Variants in MED23 observed in about 807,000 individuals in gnomAD.
MED23 encodes the protein mediator of RNA polymerase II transcription subunit 23.
In MED23, 105 loss-of-function variants were observed where a neutral mutation model predicts 163.9. The ratio of observed to expected loss-of-function variants is 0.64; its 90% confidence interval spans 0.55 to 0.75. MED23 has a LOEUF of 0.75. Among genes scored for constraint, MED23 ranks in the 30% least tolerant of loss-of-function variants. The probability of loss-of-function intolerance (pLI) is 0.00; values close to 1 mark genes in which losing one functional copy is unlikely to be tolerated. For missense variants in MED23, 1,054 were observed against 1,649.0 expected (o/e 0.64, Z 6.25); for synonymous variants, 561 against 565.6 (o/e 0.99, Z 0.12).
chr6:131,590,649 G>A (rs183503421), intron 26 of MED23, among the ~76,000 whole-genome samples: 1 of 151,970 alleles, frequency 6.6e-6, no homozygotes, highest in Non-Finnish European at 1.5e-5. Context: ...ATTTTTTTGA[G>A]ACGGAGTCTC....
chr6:131,578,629 C>CTG (rs757077112), intron 30 of MED23, among the ~76,000 whole-genome samples: 7 of 151,578 alleles, frequency 4.6e-5, no homozygotes, highest in South Asian at 2.1e-4. Flanking sequence ...CTTTGTGTGT[C>CTG]TGTGTGTGTG....
chr6:131,598,868 G>C lies in MED23; in HGVS notation c.2221-107C>G. Reference sequence around the variant, plus strand: ...TTGATTCTGACACTAATAAACTCTAGGTCACCTTGAGCAACTCAGCAATTA... The same window carrying C: ...TTGATTCTGACACTAATAAACTCTACGTCACCTTGAGCAACTCAGCAATTA... On this transcript the variant is annotated intron_variant, in intron 18 of 28. Coordinates refer to ENST00000368068, the MANE Select transcript of MED23 (RefSeq NM_004830.4). The surrounding 1 kb of genome is among the most constrained non-coding windows in gnomAD (Gnocchi z 4.7). 1 of 1,084,114 alleles carries C rather than the reference G, an allele frequency of 9.2e-7. No homozygotes were observed. Among genetic ancestry groups the C allele is most frequent in the Non-Finnish European group, 1.4e-6 (1 of 719,772 alleles). 67.2% of individuals were successfully genotyped at this position (1,084,114 alleles called of 1,614,324 possible).
At chr6:131,608,220 T>G (rs1775999356) in intron 11 of MED23, 149 bp from the exon 12 acceptor site, 1 of 761,766 alleles carries the variant, frequency 1.3e-6, no homozygotes, top group South Asian at 1.6e-5. Flanking sequence ...ACTTAGTAAT[T>G]ACTTAGTCTC....
At chr6:131,620,871 T>G (rs1423716853) in intron 6 of MED23, 142 bp from the exon 7 acceptor site, 1 of 538,058 alleles carries the variant, frequency 1.9e-6, no homozygotes. Flanking sequence ...GGCGTAATCA[T>G]GGCTCACTAC....
chr6:131,626,122 C>CAAAAAAAAAAA (rs138561737), intron 3 of MED23, among the ~76,000 whole-genome samples: 2 of 59,662 alleles, frequency 3.4e-5, no homozygotes, highest in African/African-American at 9.8e-5. Flanking sequence ...ACTCTGTCTC[C>CAAAAAAAAAAA]AAAAAAAAAA....
At chr6:131,594,382 T>C (rs1317670278) in intron 22 of MED23, 47 bp from the exon 23 acceptor site, 3 of 1,415,722 alleles carry the variant, frequency 2.1e-6, no homozygotes, top group South Asian at 1.1e-5. Flanking sequence ...TGGTTACTAA[T>C]AACTGTGAAA....
intron 3 of MED23, among the ~76,000 whole-genome samples, chr6:131,626,089 T>C (rs1184502499): frequency 7.4e-6 from 1 of 134,738 alleles, no homozygotes; most frequent in Non-Finnish European, 1.5e-5. Context: ...GCCACTGCAC[T>C]CTAGCCTGGG....
In MED23 at chr6:131,581,177, C is replaced by T. The variant is rs749859983; in HGVS notation, c.4095+6532G>A. 1.2e-5 allele frequency: 19 copies of T among 1,600,194 alleles called. No homozygotes were observed. In the African/African-American group the frequency reaches 1.7e-4, roughly 15 times the overall value. Reference sequence around the variant, plus strand: ...GTGAATAATATGATGTATGTAGTGACACTGCAAACCTGATGTTCACACAAA... The same window carrying T: ...GTGAATAATATGATGTATGTAGTGATACTGCAAACCTGATGTTCACACAAA... On this transcript the variant is annotated intron_variant, in intron 30 of 30. Transcript: ENST00000354577.
chr6:131,591,434 G>A lies in MED23; in HGVS notation c.3565C>T (p.Arg1189Cys), dbSNP rs760234442. 82 of 1,613,724 alleles carry A rather than the reference G, an allele frequency of 5.1e-5. No individual in the cohort carries two copies. Among genetic ancestry groups the A allele is most frequent in the Middle Eastern group, 1.6e-4 (1 of 6,078 alleles). ...SETEWVGYPF[R>C]LFDFTACHQS... ...TGACAGGCAGTGAAATCAAAGAGGCGGAATGGATAGCCAACCCACTCTGTT... is the reference window on the plus strand; with the variant it reads ...TGACAGGCAGTGAAATCAAAGAGGCAGAATGGATAGCCAACCCACTCTGTT... Residue 1189 changes from arginine (R) to cysteine (C), a missense_variant, in exon 26 of 29, where the codon CGC (arginine) becomes TGC (cysteine). By Grantham distance (180) the Arg-to-Cys change is radical. This residue lies in a region of MED23 where 362 missense variants were observed against 471.6 expected (regional missense o/e 0.77). Transcript: ENST00000368068.
At chr6:131,593,862 A>AT (rs553529316) in intron 23 of MED23, among the ~76,000 whole-genome samples, 2 of 152,052 alleles carry the variant, frequency 1.3e-5, no homozygotes, top group Non-Finnish European at 2.9e-5. Flanking sequence ...TTTAAATATA[A>AT]TTTTTTTACC....
At chr6:131,613,908 C>T (rs905575391) in intron 10 of MED23, among the ~76,000 whole-genome samples, 1 of 152,066 alleles carries the variant, frequency 6.6e-6, no homozygotes, top group Non-Finnish European at 1.5e-5. Context: ...CTTAGGATAG[C>T]TAAGGATATC....
chr6:131,618,909 C>G (rs549858056), intron 8 of MED23, among the ~76,000 whole-genome samples: 7 of 152,216 alleles, frequency 4.6e-5, no homozygotes, highest in Non-Finnish European at 8.8e-5. Flanking sequence ...AAAATATTTA[C>G]TACATGGCCC....
intron 17 of MED23, 117 bp from the exon 18 acceptor site, chr6:131,600,279 T>G (rs1775368964): frequency 1.4e-5 from 14 of 999,844 alleles, no homozygotes; most frequent in Middle Eastern, 3.1e-4. Flanking sequence ...GTGCATTCAC[T>G]GCTTAACTAG....
chr6:131,602,416 A>T, intron 16 of MED23, 35 bp from the exon 17 acceptor site: 1 of 1,591,146 alleles, frequency 6.3e-7, no homozygotes, highest in Non-Finnish European at 8.6e-7. Flanking sequence ...AATGTAAAAA[A>T]ATTTCAGAAT....
At chr6:131,590,038 G>A (rs1276930703) in intron 27 of MED23, among the ~76,000 whole-genome samples, 4 of 152,152 alleles carry the variant, frequency 2.6e-5, no homozygotes, top group Non-Finnish European at 2.9e-5. Flanking sequence ...CCATTCTCAT[G>A]ATTTTAATTA....
At chr6:131,579,344 A>T in intron 30 of MED23, 1 of 1,576,738 alleles carries the variant, frequency 6.3e-7, no homozygotes, top group Non-Finnish European at 8.7e-7. Flanking sequence ...CCAAGGCCAT[A>T]AGAAGAGAGA....
intron 30 of MED23, among the ~76,000 whole-genome samples, chr6:131,575,673 C>T (rs1773579319): frequency 6.6e-6 from 1 of 152,192 alleles, no homozygotes; most frequent in South Asian, 2.1e-4. Context: ...CATCTGACAA[C>T]ATGTAATAAT....
downstream of MED23, chr6:131,582,810 T>A (rs1182532745): frequency 1.9e-6 from 2 of 1,032,028 alleles, no homozygotes; most frequent in East Asian, 4.7e-5. Flanking sequence ...AAATTAAACA[T>A]CAAGACACAC....
At chr6:131,607,552 A>G (rs2114682435) in intron 12 of MED23, among the ~76,000 whole-genome samples, 1 of 152,146 alleles carries the variant, frequency 6.6e-6, no homozygotes, top group African/African-American at 2.4e-5. Context: ...TAACAACAAC[A>G]ACAACAACAA....
Sources: gnomAD v4.1 joint callset for allele counts (sites outside exome capture counted in the v4.1 genomes callset) on GRCh38, gnomAD v4.1.1 for gene constraint, gnomAD v4.1.1 regional missense constraint, Gnocchi (gnomAD v3.1) non-coding constraint, MANE v1.5 for transcripts, NCBI Gene and HGNC (gene_info 2026-07-23, HGNC 2026-07-21) for gene names.